Variants in IL36B observed in about 807,000 individuals in gnomAD.
IL36B encodes the protein interleukin 36 beta, also known as interleukin-36 beta.
IL36B carries 23 observed loss-of-function variants against 19.3 expected under a neutral mutation model. The ratio of observed to expected loss-of-function variants is 1.19; its 90% CI spans 0.86 to 1.69. IL36B has a LOEUF of 1.69. IL36B is among the 40% of genes most tolerant of loss of function. The pLI is 0.00. For missense variants in IL36B, 217 were observed against 200.5 expected, an observed-to-expected ratio of 1.08 and a Z score of -0.50; for synonymous variants, 59 against 59.7, an observed-to-expected ratio of 0.99 and a Z score of 0.05.
At chr2:113,052,595 G>T (rs1685467919) in intron 1 of IL36B, among the ~76,000 whole-genome samples, 1 of 152,246 alleles carries the variant, frequency 6.6e-6, no homozygotes, top group African/African-American at 2.4e-5. Flanking sequence ...ACCTGACAGA[G>T]TGAATGTGTA....
intron 1 of IL36B, among the ~76,000 whole-genome samples, chr2:113,040,846 C>T (rs940417524): frequency 1.3e-5 from 2 of 151,454 alleles, no homozygotes; most frequent in Non-Finnish European, 2.9e-5. Flanking sequence ...TAGCACTAGG[C>T]TTTTTTTTTG....
intron 1 of IL36B, among the ~76,000 whole-genome samples, chr2:113,045,643 T>C (rs910353978): frequency 2.0e-5 from 3 of 152,224 alleles, no homozygotes; most frequent in Non-Finnish European, 4.4e-5. Context: ...TGTTCTTGTA[T>C]GTGTCGTATG....
chr2:113,043,905 A>G (rs1357182607), intron 1 of IL36B, among the ~76,000 whole-genome samples: 1 of 152,134 alleles, frequency 6.6e-6, no homozygotes, highest in Non-Finnish European at 1.5e-5. Flanking sequence ...ATATATGTGT[A>G]AGTCTATTTC....
rs765126903 is a variant in IL36B at position 113,031,730 on chromosome 2, T to C, written c.-21A>G. On this transcript the variant is annotated 5_prime_UTR_variant, in exon 2 of 6. Coordinates refer to ENST00000259213, the MANE Select transcript of IL36B (RefSeq NM_014438.5). Reference sequence around the variant, plus strand: ...TTCATGATGTCTTCAGAGCCTTTTGTGAAGAGAACAAGATAGATCAGATGG... The same window carrying C: ...TTCATGATGTCTTCAGAGCCTTTTGCGAAGAGAACAAGATAGATCAGATGG... 1 of 1,603,334 alleles carries C rather than the reference T, an allele frequency of 6.2e-7. No homozygotes were observed. The highest frequency in any genetic ancestry group is 1.1e-5 in the South Asian group (1 of 90,766).
chr2:113,030,504 A>G (rs927451261), intron 3 of IL36B, among the ~76,000 whole-genome samples: 2 of 152,260 alleles, frequency 1.3e-5, no homozygotes, highest in African/African-American at 4.8e-5. Flanking sequence ...AGAAGGTTGC[A>G]GCATGTCTGA....
chr2:113,022,844 A>C, intron 5 of IL36B: 1 of 1,076,744 alleles, frequency 9.3e-7, no homozygotes, highest in Non-Finnish European at 1.4e-6. Flanking sequence ...CACCAATTGA[A>C]TAGGGGCTAA....
intron 1 of IL36B, among the ~76,000 whole-genome samples, chr2:113,051,908 C>T (rs1685452742): frequency 6.6e-6 from 1 of 152,000 alleles, no homozygotes. Context: ...TCCTTTGTCT[C>T]TGCACCAACT....
chr2:113,044,258 ATATGTG>A (rs754666980), intron 1 of IL36B, among the ~76,000 whole-genome samples: 10 of 131,280 alleles, frequency 7.6e-5, no homozygotes, highest in African/African-American at 2.3e-4. Context: ...ATCTATATCT[ATATGTG>A]TGTGTGTGTG....
intron 1 of IL36B, among the ~76,000 whole-genome samples, chr2:113,050,143 G>C (rs1364219807): frequency 1.3e-5 from 2 of 152,148 alleles, no homozygotes; most frequent in Non-Finnish European, 2.9e-5. Flanking sequence ...GACTTGAAAA[G>C]CTATTTGAAC....
chr2:113,028,225 C>G, intron 4 of IL36B, 110 bp from the exon 5 acceptor site: 1 of 849,172 alleles, frequency 1.2e-6, no homozygotes, highest in Admixed American at 2.1e-5. Flanking sequence ...AAGGAAGGGA[C>G]AGAGGCTAGG....
At chr2:113,051,317 G>A (rs934331699) in intron 1 of IL36B, among the ~76,000 whole-genome samples, 5 of 152,240 alleles carry the variant, frequency 3.3e-5, no homozygotes, top group Non-Finnish European at 7.3e-5. Context: ...CGAGGAAAGC[G>A]CCTGAATGTG....
chr2:113,035,800 G>A (rs959994426), intron 1 of IL36B, among the ~76,000 whole-genome samples: 3 of 152,182 alleles, frequency 2.0e-5, no homozygotes, highest in African/African-American at 7.2e-5. Flanking sequence ...AGATTCCCAG[G>A]ATGAAGCTGT....
intron 1 of IL36B, among the ~76,000 whole-genome samples, chr2:113,044,998 G>A (rs991141397): frequency 2.2e-4 from 33 of 151,642 alleles, no homozygotes; most frequent in East Asian, 1.9e-4. Flanking sequence ...TTTGTCATTC[G>A]TTTTACTTAT....
intron 1 of IL36B, among the ~76,000 whole-genome samples, chr2:113,050,290 C>T (rs1033585846): frequency 6.6e-6 from 1 of 151,910 alleles, no homozygotes; most frequent in African/African-American, 2.4e-5. Context: ...CTGATACATG[C>T]TACAACATGG....
intron 1 of IL36B, among the ~76,000 whole-genome samples, chr2:113,047,438 GGCTCA>G: frequency 6.6e-6 from 1 of 152,306 alleles, no homozygotes; most frequent in South Asian, 2.1e-4. Context: ...AGACTAGGGA[GGCTCA>G]ACTTGTACTA....
chr2:113,050,359 T>A (rs951117034), intron 1 of IL36B, among the ~76,000 whole-genome samples: 3 of 149,954 alleles, frequency 2.0e-5, no homozygotes, highest in African/African-American at 7.4e-5. Flanking sequence ...AAAAAAAAAA[T>A]ACCGTGTAAT....
At chr2:113,039,110 A>G (rs1241812609) in intron 1 of IL36B, among the ~76,000 whole-genome samples, 1 of 152,202 alleles carries the variant, frequency 6.6e-6, no homozygotes, top group Non-Finnish European at 1.5e-5. Context: ...AGATTGGGAT[A>G]TCAGCATAGT....
intron 1 of IL36B, among the ~76,000 whole-genome samples, chr2:113,032,877 G>A (rs919169814): frequency 2.0e-5 from 3 of 152,188 alleles, no homozygotes; most frequent in African/African-American, 7.2e-5. Flanking sequence ...AGCAACACAA[G>A]CATGACTGGT....
chr2:113,035,105 G>T (rs894661546), intron 1 of IL36B, among the ~76,000 whole-genome samples: 2 of 152,220 alleles, frequency 1.3e-5, no homozygotes, highest in Non-Finnish European at 2.9e-5. Context: ...AAGACTGAAG[G>T]CTCTCATGAC....
Sources: gnomAD v4.1 joint callset for allele counts (sites outside exome capture counted in the v4.1 genomes callset) on GRCh38, gnomAD v4.1.1 for gene constraint, MANE v1.5 for transcripts, NCBI Gene and HGNC (gene_info 2026-07-23, HGNC 2026-07-21) for gene names.